Variants in ERICH3 observed in about 807,000 individuals in gnomAD.
ERICH3 encodes glutamate-rich protein 3.
In ERICH3, 126 loss-of-function variants were observed where a neutral mutation model predicts 131.1. The observed-to-expected ratio is 0.96, with a 90% CI of 0.83 to 1.11. The LOEUF is 1.11. Ranked by LOEUF, ERICH3 falls within the 50% of genes most tolerant of loss-of-function variation. ERICH3 has a pLI of 0.00. For missense variants in ERICH3, 2,050 were observed against 1,810.7 expected, an observed-to-expected ratio of 1.13 and a Z score of -2.40; for synonymous variants, 695 against 644.6, an observed-to-expected ratio of 1.08 and a Z score of -1.18.
intron 1 of ERICH3, among the ~76,000 whole-genome samples, chr1:74,670,422 T>A (rs928028366): frequency 7.2e-5 from 11 of 152,170 alleles, no homozygotes; most frequent in Non-Finnish European, 1.6e-4. Context: ...CAATGCTACC[T>A]CTAGAAACTT....
Position 74,589,636 on chromosome 1 carries a change from T to G in ERICH3, c.2171A>C (p.Glu724Ala). Reference sequence around the variant, plus strand: ...AACTCAACGGCCATACTTACCACCTTCCTCCAACCCAGGGAGACCTGCCTT... The same window carrying G: ...AACTCAACGGCCATACTTACCACCTGCCTCCAACCCAGGGAGACCTGCCTT... ...DKKAGLPGLEEGGKDSLPLAY... is the reference protein window; with the variant it reads ...DKKAGLPGLEAGGKDSLPLAY... Residue 724 changes from glutamate (E) to alanine (A), a missense_variant, in exon 12 of 15, where the codon GAA (glutamate) becomes GCA (alanine). By Grantham distance (107) the Glu-to-Ala change is moderately radical (BLOSUM62 -1). Coordinates refer to ENST00000326665, the MANE Select transcript of ERICH3 (RefSeq NM_001002912.5). 2.5e-6 allele frequency: 4 copies of G among 1,613,456 alleles called. No individual in the cohort carries two copies. Among genetic ancestry groups the G allele is most frequent in the Non-Finnish European group, 3.4e-6 (4 of 1,179,656 alleles).
intron 5 of ERICH3, among the ~76,000 whole-genome samples, chr1:74,640,746 T>C (rs771240379): frequency 3.9e-5 from 6 of 152,280 alleles, no homozygotes; most frequent in Admixed American, 6.5e-5. Context: ...TTTCTGTACA[T>C]TTAATTATTT....
chr1:74,665,211 T>C (rs1285272752), intron 1 of ERICH3, among the ~76,000 whole-genome samples: 1 of 133,792 alleles, frequency 7.5e-6, no homozygotes, highest in South Asian at 2.2e-4. Context: ...AGACTCCGTC[T>C]CAAAAAAAAA....
At chr1:74,596,364 G>A (rs1054976284) in intron 11 of ERICH3, among the ~76,000 whole-genome samples, 1 of 151,186 alleles carries the variant, frequency 6.6e-6, no homozygotes, top group African/African-American at 2.4e-5. Flanking sequence ...AATAATTATT[G>A]TATATATTTA....
intron 1 of ERICH3, among the ~76,000 whole-genome samples, chr1:74,664,832 T>C (rs1441117999): frequency 6.6e-6 from 1 of 152,190 alleles, no homozygotes; most frequent in Non-Finnish European, 1.5e-5. Context: ...TAATCAGACT[T>C]AACAGTTCAA....
Position 74,568,232 on chromosome 1 carries a change from C to CA in ERICH3, c.*2225dup, listed in dbSNP as rs34054478. 6.6e-6 allele frequency: 1 copy of CA among 152,108 alleles called. No individual in the cohort carries two copies. Among genetic ancestry groups the CA allele is most frequent in the Non-Finnish European group, 1.5e-5 (1 of 67,984 alleles). The allele number at this position is 152,108 out of a possible 1,614,324, so 9.4% of individuals were successfully genotyped here. A position where few individuals can be genotyped will look rare whatever the true frequency, so the allele number is the denominator to read the frequency against. On this transcript the variant is annotated 3_prime_UTR_variant, in exon 15 of 15. Coordinates refer to ENST00000326665, the MANE Select transcript of ERICH3 (RefSeq NM_001002912.5). ...TTTGCAGAGAAAGAATTCACTTATT[C>CA]AAAATATCACAATACTGAATTTCAC...
intron 1 of ERICH3, 152 bp downstream of exon 1, chr1:74,673,345 C>A: frequency 1.2e-6 from 1 of 829,086 alleles, no homozygotes; most frequent in Admixed American, 3.0e-5. Context: ...GCCATCCTCG[C>A]TGCAACCCAG....
chr1:74,649,413 C>A, intron 1 of ERICH3, 98 bp from the exon 2 acceptor site: 2 of 784,718 alleles, frequency 2.5e-6, no homozygotes, highest in South Asian at 1.8e-5. Context: ...TAATCATTCA[C>A]TCATGCAGCC....
chr1:74,573,493 T>G lies in ERICH3; in HGVS notation c.2219-2A>C. On this transcript the variant is annotated splice_acceptor_variant, in intron 13 of 14. Transcript: ENST00000326665. LOFTEE classifies it high-confidence loss of function. The stretch of plus-strand genomic sequence containing the variant: ...CCACCATGAAATTCATTGTTGGTGC[T>G]ATAAAAATAAGGTTAGAAATCAAGA... 1 of 1,502,362 alleles carries G rather than the reference T, an allele frequency of 6.7e-7. No individual in the cohort carries two copies. The highest frequency in any genetic ancestry group is 8.9e-7 in the Non-Finnish European group (1 of 1,129,736). 93.1% of individuals were successfully genotyped at this position (1,502,362 alleles called of 1,614,324 possible).
chr1:74,656,491 C>T (rs1025182466), intron 1 of ERICH3, among the ~76,000 whole-genome samples: 1 of 152,142 alleles, frequency 6.6e-6, no homozygotes, highest in East Asian at 1.9e-4. Flanking sequence ...TCCCATGAGC[C>T]CTTGCCCTCG....
At chr1:74,647,488 A>G (rs1646496165) in intron 2 of ERICH3, among the ~76,000 whole-genome samples, 1 of 152,156 alleles carries the variant, frequency 6.6e-6, no homozygotes, top group African/African-American at 2.4e-5. Flanking sequence ...ATTAGCATAC[A>G]TAGAAGATAG....
intron 1 of ERICH3, among the ~76,000 whole-genome samples, chr1:74,665,620 T>G (rs1383707611): frequency 1.3e-5 from 2 of 152,180 alleles, no homozygotes; most frequent in Non-Finnish European, 2.9e-5. Flanking sequence ...TGGTTTCTTC[T>G]GAGGGCCATG....
chr1:74,626,269 G>A (rs1203395481), intron 7 of ERICH3, among the ~76,000 whole-genome samples: 2 of 152,092 alleles, frequency 1.3e-5, no homozygotes, highest in East Asian at 3.9e-4. Context: ...CAAATTACAG[G>A]ACAAAAGTTT....
At chr1:74,577,756 G>A (rs975895559) in intron 12 of ERICH3, among the ~76,000 whole-genome samples, 3 of 152,112 alleles carry the variant, frequency 2.0e-5, no homozygotes, top group Non-Finnish European at 2.9e-5. Flanking sequence ...AGCAGTGACA[G>A]ATTTGCCAAA....
chr1:74,602,068 A>G (rs1358170137), intron 10 of ERICH3, among the ~76,000 whole-genome samples: 1 of 151,890 alleles, frequency 6.6e-6, no homozygotes, highest in Non-Finnish European at 1.5e-5. Context: ...ACAGCAACAC[A>G]CTTTAGTGGA....
chr1:74,665,649 G>C (rs923261216), intron 1 of ERICH3, among the ~76,000 whole-genome samples: 12 of 152,152 alleles, frequency 7.9e-5, no homozygotes, highest in Non-Finnish European at 1.6e-4. Context: ...GTCTGTTTCA[G>C]GTCTCTCTTT....
chr1:74,651,529 T>C (rs1225024426), intron 1 of ERICH3, among the ~76,000 whole-genome samples: 2 of 152,112 alleles, frequency 1.3e-5, no homozygotes, highest in African/African-American at 2.4e-5. Context: ...GTCAACATTG[T>C]ATACCTTACC....
chr1:74,672,600 C>T (rs1239260962), intron 1 of ERICH3, among the ~76,000 whole-genome samples: 1 of 152,104 alleles, frequency 6.6e-6, no homozygotes, highest in African/African-American at 2.4e-5. Context: ...TGCTAATTTG[C>T]TGCTCCTAAA....
At chr1:74,650,801 A>G (rs992382993) in intron 1 of ERICH3, among the ~76,000 whole-genome samples, 1 of 151,720 alleles carries the variant, frequency 6.6e-6, no homozygotes, top group Admixed American at 6.6e-5. Flanking sequence ...AATTGAAACC[A>G]CCGGAAGTGA....
Sources: allele counts gnomAD v4.1 joint callset (sites outside exome capture counted in the v4.1 genomes callset), GRCh38; gene constraint gnomAD v4.1.1; transcripts MANE v1.5; gene names NCBI Gene and HGNC (gene_info 2026-07-23, HGNC 2026-07-21).